Variants in PCDHGC5 observed in about 807,000 individuals in gnomAD.
PCDHGC5 encodes protocadherin gamma subfamily C, 5.
In PCDHGC5, 25 loss-of-function variants were observed where a neutral mutation model predicts 59.0. The ratio of observed to expected loss-of-function variants is 0.42; its 90% CI spans 0.31 to 0.59. PCDHGC5 has a LOEUF of 0.59. Among genes scored for constraint, PCDHGC5 ranks in the 20% least tolerant of loss-of-function variants. The pLI is 0.13. For synonymous variants in PCDHGC5, 434 were observed against 505.5 expected (o/e 0.86, Z 1.90); for missense variants, 1,067 against 1,206.4 (o/e 0.88, Z 1.71).
In PCDHGC5 at chr5:141,511,067, C is replaced by T. The variant is rs760786015; in HGVS notation, c.2729C>T (p.Pro910Leu). The change falls in exon 4 of 4, where the codon CCA (proline) becomes CTA (leucine). Residue 910 changes from proline (P) to leucine (L), a missense_variant. Pro to Leu is a moderately conservative substitution (Grantham distance 98). Coordinates refer to ENST00000252087, the MANE Select transcript of PCDHGC5 (RefSeq NM_018929.3). ...VPDYRQNVYI[P>L]GSNATLTNAA... ...GACTACCGCCAGAATGTCTACATCC[C>T]AGGCAGCAATGCCACACTGACCAAC... 7.4e-6 allele frequency: 12 copies of T among 1,614,136 alleles called. No homozygotes were observed. Among genetic ancestry groups the T allele is most frequent in the African/African-American group, 1.3e-5 (1 of 74,942 alleles).
chr5:141,502,578 T>C (rs2099815145), intron 2 of PCDHGC5, among the ~76,000 whole-genome samples: 1 of 152,198 alleles, frequency 6.6e-6, no homozygotes, highest in African/African-American at 2.4e-5. Context: ...TATAAAAATA[T>C]ATTTTTATAA....
intron 2 of PCDHGC5, among the ~76,000 whole-genome samples, chr5:141,498,825 C>A (rs2099786017): frequency 6.6e-6 from 1 of 151,974 alleles, no homozygotes; most frequent in Admixed American, 6.6e-5. Flanking sequence ...CCCAGCTACT[C>A]AGGAGGCTGA....
chr5:141,492,723 C>T (rs896613323), intron 1 of PCDHGC5, among the ~76,000 whole-genome samples: 2 of 152,268 alleles, frequency 1.3e-5, no homozygotes, highest in African/African-American at 4.8e-5. Flanking sequence ...GGCGGACAGG[C>T]AGAGCTGCCC....
In PCDHGC5 at chr5:141,491,632, C is replaced by T; in HGVS notation, c.2392C>T (p.Pro798Ser). The change falls in exon 1 of 4, where the codon CCC (proline) becomes TCC (serine). Residue 798 changes from proline (P) to serine (S), a missense_variant. By Grantham distance (74) the Pro-to-Ser change is moderately conservative (BLOSUM62 -1). Transcript: ENST00000252087. This position sits in a 1 kb window ranked among gnomAD's most constrained non-coding sequence, Gnocchi z 6.9. The part of the protein sequence containing the change: ...TFLRPLSVQQ[P>S]TALALEPDAI... ...TCTAAGACCCCTCAGCGTTCAGCAG[C>T]CCACAGCTCTGGCGCTGGAGCCTGA... 1.2e-6 allele frequency: 2 copies of T among 1,613,886 alleles called. No individual in the cohort carries two copies. The highest frequency in any genetic ancestry group is 1.7e-6 in the Non-Finnish European group (2 of 1,179,994).
At position 141,511,574 on chromosome 5, in the gene PCDHGC5, GT is replaced by G. The variant is rs1158598698; in HGVS notation, c.*403del. ...CAGTTCCTCTTTCCCGAGTAAGGTG[GT>G]TGGGGTGTTGAAGTACCAAGTAACC... On this transcript the variant is annotated 3_prime_UTR_variant, in exon 4 of 4. Coordinates refer to ENST00000252087, the MANE Select transcript of PCDHGC5 (RefSeq NM_018929.3). 3.5e-6 allele frequency: 1 copy of G among 287,556 alleles called. No individual in the cohort carries two copies. The highest frequency in any genetic ancestry group is 2.2e-5 in the African/African-American group (1 of 46,340). 17.8% of individuals were successfully genotyped at this position (287,556 alleles called of 1,614,324 possible).
At position 141,511,241 on chromosome 5, in the gene PCDHGC5, C is replaced by T; in HGVS notation, c.*68C>T. On this transcript the variant is annotated 3_prime_UTR_variant, in exon 4 of 4. Transcript: ENST00000252087. ...CCAGCCCAGCTTCTCCTTACCTGCA[C>T]CCAGGCCTCAGAGTTTCAGGGCTAA... The T allele has an allele frequency of 2.5e-6, 4 of 1,585,214 alleles. No individual in the cohort carries two copies. Among genetic ancestry groups the T allele is most frequent in the Non-Finnish European group, 3.4e-6 (4 of 1,165,762 alleles).
At chr5:141,494,972 C>G in intron 2 of PCDHGC5, 107 bp downstream of exon 2, 1 of 1,581,852 alleles carries the variant, frequency 6.3e-7, no homozygotes, top group Non-Finnish European at 8.6e-7. Context: ...TGGCTTCTCC[C>G]TCAGTTTGAG....
In PCDHGC5 at chr5:141,512,022, C is replaced by T. The variant is rs2154594692; in HGVS notation, c.*849C>T. The T allele has an allele frequency of 6.5e-6, 1 of 152,990 alleles. No individual in the cohort carries two copies. The highest frequency in any genetic ancestry group is 1.9e-4 in the East Asian group (1 of 5,186). The allele number at this position is 152,990 out of a possible 1,614,324, so 9.5% of individuals were successfully genotyped here. A position where few individuals can be genotyped will look rare whatever the true frequency, so the allele number is the denominator to read the frequency against. The stretch of plus-strand genomic sequence containing the variant: ...AGCTTGACACATCAAGTTATCAAGG[C>T]CTTGGAGGAGGCTCTGTATGTCCTC... On this transcript the variant is annotated 3_prime_UTR_variant, in exon 4 of 4. Transcript: ENST00000252087.
At chr5:141,508,700 CCT>C in intron 3 of PCDHGC5, among the ~76,000 whole-genome samples, 1 of 152,158 alleles carries the variant, frequency 6.6e-6, no homozygotes, top group Non-Finnish European at 1.5e-5. Flanking sequence ...CCGTGTTCCT[CCT>C]CATTCTTTTC....
chr5:141,496,342 G>A (rs1430202202), intron 2 of PCDHGC5, among the ~76,000 whole-genome samples: 1 of 152,208 alleles, frequency 6.6e-6, no homozygotes, highest in East Asian at 1.9e-4. Context: ...GAGCCTGGAG[G>A]AGTCTCAGAG....
At chr5:141,492,495 G>A (rs750427038) in intron 1 of PCDHGC5, among the ~76,000 whole-genome samples, 65 of 152,186 alleles carry the variant, frequency 4.3e-4, no homozygotes, top group Non-Finnish European at 6.0e-4. Context: ...ACCAGGCGAG[G>A]ACTCCGGAGC....
chr5:141,506,760 G>A (rs1018086132), intron 3 of PCDHGC5, among the ~76,000 whole-genome samples: 1 of 152,128 alleles, frequency 6.6e-6, no homozygotes, highest in Non-Finnish European at 1.5e-5. Context: ...CTAGCTTCTG[G>A]AGCAGCAAAT....
Position 141,491,755 on chromosome 5 carries a change from G to T in PCDHGC5, c.2460+55G>T, listed in dbSNP as rs1402188587. 3 of 1,582,078 alleles carry T rather than the reference G, an allele frequency of 1.9e-6. No individual in the cohort carries two copies. Among genetic ancestry groups the T allele is most frequent in the Non-Finnish European group, 2.6e-6 (3 of 1,165,458 alleles). On this transcript the variant is annotated intron_variant, in intron 1 of 3. Coordinates refer to ENST00000252087, the MANE Select transcript of PCDHGC5 (RefSeq NM_018929.3). This position sits in a 1 kb window ranked among gnomAD's most constrained non-coding sequence, Gnocchi z 6.9. ...CCCTGGGGGCGGCACTGGAGAAGCC[G>T]CCCGTCCTCATAAGGGATTGAACTT...
In PCDHGC5 at chr5:141,490,823, A is replaced by T. The variant is rs1340589166; in HGVS notation, c.1583A>T (p.Gln528Leu). ...CGTACCTTTGACTATGAATTGCTGC[A>T]GATGCTGCAGATTGTGGTGGGGGTT... ...AQRTFDYELL[Q>L]MLQIVVGVRD... Residue 528 changes from glutamine to leucine, a missense_variant, in exon 1 of 4, where the codon CAG (glutamine) becomes CTG (leucine). Transcript: ENST00000252087. This position sits in a 1 kb window ranked among gnomAD's most constrained non-coding sequence, Gnocchi z 5.4. 13 of 1,613,928 alleles carry T rather than the reference A, an allele frequency of 8.1e-6. No individual in the cohort carries two copies. Among genetic ancestry groups the T allele is most frequent in the Non-Finnish European group, 9.3e-6 (11 of 1,179,864 alleles).
Position 141,489,806 on chromosome 5 carries a change from A to G in PCDHGC5, c.566A>G (p.Lys189Arg). 1 of 1,614,198 alleles carries G rather than the reference A, an allele frequency of 6.2e-7. No homozygotes were observed. Among genetic ancestry groups the G allele is most frequent in the South Asian group, 1.1e-5 (1 of 91,082 alleles). ...SLNVKTLKDG[K>R]PFPELVLEQQ... Reference sequence around the variant, plus strand: ...AATGTGAAGACCCTAAAAGATGGGAAGCCATTCCCAGAGCTGGTGCTAGAG... The same window carrying G: ...AATGTGAAGACCCTAAAAGATGGGAGGCCATTCCCAGAGCTGGTGCTAGAG... Residue 189 changes from lysine (K) to arginine (R), a missense_variant, in exon 1 of 4, where the codon AAG becomes AGG. Lys to Arg is a conservative substitution (Grantham distance 26). Coordinates refer to ENST00000252087, the MANE Select transcript of PCDHGC5 (RefSeq NM_018929.3). The surrounding 1 kb of genome is among the most constrained non-coding windows in gnomAD (Gnocchi z 4.5).
chr5:141,499,763 T>C (rs2099794343), intron 2 of PCDHGC5, among the ~76,000 whole-genome samples: 1 of 148,434 alleles, frequency 6.7e-6, no homozygotes, highest in African/African-American at 2.5e-5. Flanking sequence ...CTCAGCTCAC[T>C]GCAGCCTTCG....
In PCDHGC5 at chr5:141,511,074, C is replaced by G; in HGVS notation, c.2736C>G (p.Ser912Arg). 1.2e-6 allele frequency: 2 copies of G among 1,614,238 alleles called. No homozygotes were observed. The highest frequency in any genetic ancestry group is 1.7e-6 in the Non-Finnish European group (2 of 1,180,040). ...GCCAGAATGTCTACATCCCAGGCAGCAATGCCACACTGACCAACGCAGCTG... is the reference window on the plus strand; with the variant it reads ...GCCAGAATGTCTACATCCCAGGCAGGAATGCCACACTGACCAACGCAGCTG... The part of the protein sequence containing the change: ...DYRQNVYIPG[S>R]NATLTNAAGK... Residue 912 changes from serine (S) to arginine (R), a missense_variant, in exon 4 of 4, where the codon AGC becomes AGG. Coordinates refer to ENST00000252087, the MANE Select transcript of PCDHGC5 (RefSeq NM_018929.3).
chr5:141,497,796 TC>T (rs1251163385), intron 2 of PCDHGC5, among the ~76,000 whole-genome samples: 2 of 152,160 alleles, frequency 1.3e-5, no homozygotes, highest in African/African-American at 2.4e-5. Context: ...TGCTTCAGCT[TC>T]CCAAAGTGCT....
At chr5:141,504,709 C>G (rs11743102) in intron 2 of PCDHGC5, among the ~76,000 whole-genome samples, 29,287 of 151,306 alleles carry the variant, frequency 0.19, 2,876 homozygotes, top group Middle Eastern at 0.24. Context: ...CTTCTATGGC[C>G]GTGGATTTTA....
Sources: gnomAD v4.1 joint callset for allele counts (sites outside exome capture counted in the v4.1 genomes callset) on GRCh38, gnomAD v4.1.1 for gene constraint, Gnocchi (gnomAD v3.1) non-coding constraint, MANE v1.5 for transcripts, NCBI Gene and HGNC (gene_info 2026-07-23, HGNC 2026-07-21) for gene names.